AGBL1: variants seen among roughly 807,000 people sequenced by gnomAD.
AGBL1 encodes the protein cytosolic carboxypeptidase 4.
AGBL1 carries 130 observed loss-of-function variants against 118.9 expected under a neutral mutation model. The ratio of observed to expected loss-of-function variants is 1.09; its 90% confidence interval spans 0.95 to 1.26. The LOEUF (loss-of-function observed/expected upper bound fraction) is 1.26. Ranked by LOEUF, AGBL1 falls within the 50% of genes most tolerant of loss-of-function variation. The pLI, the probability that AGBL1 is intolerant of heterozygous loss-of-function variation, is 0.00. For synonymous variants in AGBL1, 555 were observed against 478.9 expected, an observed-to-expected ratio of 1.16 and a Z score of -2.08; for missense variants, 1,584 against 1,298.1, an observed-to-expected ratio of 1.22 and a Z score of -3.38.
intron 22 of AGBL1, among the ~76,000 whole-genome samples, chr15:86,797,749 T>C (rs1012425093): frequency 2.0e-5 from 3 of 151,774 alleles, no homozygotes. Context: ...GCAGGGGTGG[T>C]GGGGAGGTGA....
In AGBL1 at chr15:86,150,087, A is replaced by G. The variant is rs145280967; in HGVS notation, c.263-4343A>G. Among the ~76,000 whole-genome samples the G allele has an allele frequency of 8.7e-3, 1,327 of 152,334 alleles. 17 individuals carry two copies. Among genetic ancestry groups the G allele is most frequent in the African/African-American group, 0.031 (1,276 of 41,558 alleles). On this transcript the variant is annotated intron_variant, in intron 3 of 22. Transcript: ENST00000614907. ...ATGTTCTTTGAAACCAATGAGAAAA[A>G]AGACACAATGTACCAGAATCTCTGG...
chr15:86,650,036 G>A (rs1315056849), intron 21 of AGBL1, among the ~76,000 whole-genome samples: 1 of 152,102 alleles, frequency 6.6e-6, no homozygotes, highest in East Asian at 1.9e-4. Context: ...GTATCATTCA[G>A]CATTCTTTTA....
rs558029942 is a variant in AGBL1 at position 86,840,925 on chromosome 15, C to T, written c.3159-66162C>T. On this transcript the variant is annotated intron_variant, in intron 22 of 22. Transcript: ENST00000614907. ...CAGAAAGCTTCTTCAATGGAAGGTGCACAATCTTTCTACTGCAACTCACAA... is the reference window on the plus strand; with the variant it reads ...CAGAAAGCTTCTTCAATGGAAGGTGTACAATCTTTCTACTGCAACTCACAA... 1.9e-4 allele frequency among the ~76,000 whole-genome samples: 29 copies of T among 152,270 alleles called. No homozygotes were observed. The South Asian group carries it at 5.6e-3, about 29-fold the overall frequency.
intron 5 of AGBL1, among the ~76,000 whole-genome samples, chr15:86,178,189 C>T (rs1838386): frequency 2.0e-5 from 3 of 151,918 alleles, no homozygotes; most frequent in Admixed American, 6.6e-5. Context: ...GGCACCTGCC[C>T]GTAATCCCAG....
chr15:86,697,934 T>C lies in AGBL1; in HGVS notation c.3158+23498T>C, dbSNP rs531316561. On this transcript the variant is annotated intron_variant, in intron 22 of 22. Transcript: ENST00000614907. ...ATGGATACCAGCACAGTATTTGGGC[T>C]GTCTCCCAGGTCCTGCAACAACAAT... 1.1e-4 allele frequency among the ~76,000 whole-genome samples: 16 copies of C among 152,108 alleles called. No individual in the cohort carries two copies. The East Asian group carries it at 3.1e-3, about 30-fold the overall frequency.
At chr15:86,085,638 C>G (rs1248734184) in intron 1 of AGBL1, among the ~76,000 whole-genome samples, 1 of 152,166 alleles carries the variant, frequency 6.6e-6, no homozygotes, top group Non-Finnish European at 1.5e-5. Context: ...TTAGTCCCAG[C>G]CTTCAGCCCC....
intron 17 of AGBL1, among the ~76,000 whole-genome samples, chr15:86,357,933 A>C (rs2060059): frequency 3.2e-4 from 48 of 152,046 alleles, no homozygotes; most frequent in Middle Eastern, 3.4e-3. Context: ...AGAGGTATGC[A>C]ACATGATGTT....
intron 22 of AGBL1, among the ~76,000 whole-genome samples, chr15:86,724,302 C>G (rs1294367638): frequency 1.4e-5 from 2 of 145,062 alleles, no homozygotes; most frequent in African/African-American, 2.6e-5. Context: ...AAATCAATGA[C>G]AAGAACATCG....
intron 17 of AGBL1, among the ~76,000 whole-genome samples, chr15:86,393,554 T>C (rs1273925051): frequency 6.6e-6 from 1 of 152,184 alleles, no homozygotes; most frequent in East Asian, 1.9e-4. Flanking sequence ...ACAAGCTTTT[T>C]ATTGGCGTGC....
intron 23 of AGBL1, among the ~76,000 whole-genome samples, chr15:86,935,934 T>C (rs1033443688): frequency 3.3e-5 from 5 of 152,232 alleles, no homozygotes; most frequent in African/African-American, 4.8e-5. Flanking sequence ...AACAAAAGAT[T>C]CGCAACTGCA....
intron 22 of AGBL1, among the ~76,000 whole-genome samples, chr15:86,886,072 C>T (rs1167509453): frequency 5.3e-5 from 8 of 152,108 alleles, no homozygotes; most frequent in African/African-American, 1.9e-4. Context: ...GCCTCTTAAA[C>T]ATCCACCCCA....
At chr15:86,886,480 A>G (rs2079972581) in intron 22 of AGBL1, among the ~76,000 whole-genome samples, 1 of 152,204 alleles carries the variant, frequency 6.6e-6, no homozygotes, top group African/African-American at 2.4e-5. Context: ...TCTCAAGTTT[A>G]AAGAAGAGAA....
chr15:86,365,042 T>TATATAC (rs564321350), intron 17 of AGBL1, among the ~76,000 whole-genome samples: 1 of 112,838 alleles, frequency 8.9e-6, no homozygotes, highest in African/African-American at 3.5e-5. Context: ...CACATATATA[T>TATATAC]ACACACATAT....
intron 18 of AGBL1, among the ~76,000 whole-genome samples, chr15:86,405,885 G>T (rs1216509005): frequency 6.6e-6 from 1 of 152,122 alleles, no homozygotes; most frequent in Non-Finnish European, 1.5e-5. Flanking sequence ...TGTAATAATG[G>T]AGGAAGCAAA....
At chr15:86,902,116 C>G (rs1426307250) in intron 22 of AGBL1, among the ~76,000 whole-genome samples, 2 of 151,944 alleles carry the variant, frequency 1.3e-5, no homozygotes, top group Admixed American at 1.3e-4. Flanking sequence ...TTTTATATAC[C>G]TGGGTGTAAT....
intron 22 of AGBL1, among the ~76,000 whole-genome samples, chr15:86,753,397 C>CTTTTTT (rs1555446759): frequency 4.9e-4 from 54 of 111,256 alleles, no homozygotes; most frequent in East Asian, 1.3e-3. Flanking sequence ...TTTTCTTTTT[C>CTTTTTT]TTTTTTTTTT....
chr15:86,397,263 A>C, intron 17 of AGBL1, 103 bp from the exon 18 acceptor site: 1 of 810,062 alleles, frequency 1.2e-6, no homozygotes, highest in South Asian at 4.4e-5. Flanking sequence ...ATGTATTTTT[A>C]ATAAAAATTA....
chr15:86,463,155 A>G (rs916670695), intron 18 of AGBL1, among the ~76,000 whole-genome samples: 1 of 152,046 alleles, frequency 6.6e-6, no homozygotes, highest in Non-Finnish European at 1.5e-5. Context: ...ATGGTATCTC[A>G]TTGTGGTTTT....
intron 21 of AGBL1, among the ~76,000 whole-genome samples, chr15:86,633,043 C>G (rs1012507009): frequency 6.6e-6 from 1 of 151,978 alleles, no homozygotes; most frequent in African/African-American, 2.4e-5. Flanking sequence ...TAGACATAAG[C>G]CATTCTTTAT....
Sources: allele counts gnomAD v4.1 joint callset (sites outside exome capture counted in the v4.1 genomes callset), GRCh38; gene constraint gnomAD v4.1.1; transcripts MANE v1.5; gene names NCBI Gene and HGNC (gene_info 2026-07-23, HGNC 2026-07-21).